ARHGAP42: variants seen among roughly 807,000 people sequenced by gnomAD.
ARHGAP42 encodes the protein Rho GTPase activating protein 42.
A neutral mutation model predicts 125.0 loss-of-function variants in ARHGAP42; 63 were observed. That is an observed-to-expected ratio of 0.50 (90% confidence interval 0.41 to 0.62). The LOEUF (loss-of-function observed/expected upper bound fraction) is 0.62, where lower values mean the gene tolerates loss of function less well. Among genes scored for constraint, ARHGAP42 ranks in the 20% least tolerant of loss-of-function variants. The pLI is 0.00. For missense variants in ARHGAP42, 766 were observed against 1,024.2 expected, an observed-to-expected ratio of 0.75 and a Z score of 3.44; for synonymous variants, 339 against 351.0, an observed-to-expected ratio of 0.97 and a Z score of 0.38.
At chr11:100,784,557 A>C (rs539746282) in intron 2 of ARHGAP42, among the ~76,000 whole-genome samples, 81 of 152,194 alleles carry the variant, frequency 5.3e-4, no homozygotes, top group Non-Finnish European at 1.0e-3. Context: ...CACTCATGCT[A>C]CTAGGAGAAT....
intron 3 of ARHGAP42, among the ~76,000 whole-genome samples, chr11:100,844,744 T>A (rs1865022415): frequency 6.9e-6 from 1 of 145,206 alleles, no homozygotes; most frequent in African/African-American, 2.9e-5. Context: ...CACAGTACGA[T>A]ATCACCTTCT....
At chr11:100,862,149 T>G (rs1056153119) in intron 4 of ARHGAP42, among the ~76,000 whole-genome samples, 2 of 152,138 alleles carry the variant, frequency 1.3e-5, no homozygotes, top group Non-Finnish European at 2.9e-5. Context: ...CACAGCAAAC[T>G]GTGAGGTGTG....
At chr11:100,756,613 TA>T (rs780875884) in intron 1 of ARHGAP42, among the ~76,000 whole-genome samples, 3 of 152,198 alleles carry the variant, frequency 2.0e-5, no homozygotes, top group Non-Finnish European at 2.9e-5. Flanking sequence ...ACATGCTGAT[TA>T]AAGCCTGGCA....
At chr11:100,887,969 C>T (rs954072462) in intron 4 of ARHGAP42, among the ~76,000 whole-genome samples, 1 of 152,216 alleles carries the variant, frequency 6.6e-6, no homozygotes, top group East Asian at 1.9e-4. Context: ...TATCCAATCC[C>T]GCTTCTGGAG....
At chr11:100,721,256 A>G (rs1201920778) in intron 1 of ARHGAP42, among the ~76,000 whole-genome samples, 1 of 152,090 alleles carries the variant, frequency 6.6e-6, no homozygotes, top group African/African-American at 2.4e-5. Context: ...TTCTTCTCCT[A>G]ACAACTCTCC....
At chr11:100,803,213 T>TAAAA (rs34702756) in intron 3 of ARHGAP42, among the ~76,000 whole-genome samples, 3 of 147,938 alleles carry the variant, frequency 2.0e-5, no homozygotes, top group Non-Finnish European at 1.5e-5. Flanking sequence ...CAATCTCTAC[T>TAAAA]AAAAAAAAAA....
chr11:100,726,348 A>G (rs1321436926), intron 1 of ARHGAP42, among the ~76,000 whole-genome samples: 1 of 151,992 alleles, frequency 6.6e-6, no homozygotes, highest in East Asian at 1.9e-4. Flanking sequence ...CTGATGGGTT[A>G]GGATAATTGA....
At chr11:100,717,923 T>TGA (rs58895541) in intron 1 of ARHGAP42, among the ~76,000 whole-genome samples, 74,699 of 140,664 alleles carry the variant, frequency 0.53, 21,009 homozygotes, top group African/African-American at 0.66. Flanking sequence ...GACTCTGCCT[T>TGA]AAAAAAAAAA....
At chr11:100,708,800 A>G (rs995306236) in intron 1 of ARHGAP42, among the ~76,000 whole-genome samples, 1 of 152,218 alleles carries the variant, frequency 6.6e-6, no homozygotes, top group African/African-American at 2.4e-5. Flanking sequence ...CCTCAGTCAG[A>G]AACTGAGGAT....
intron 3 of ARHGAP42, among the ~76,000 whole-genome samples, chr11:100,858,540 G>A (rs1041181189): frequency 6.6e-6 from 1 of 152,034 alleles, no homozygotes; most frequent in African/African-American, 2.4e-5. Flanking sequence ...AGATAAACCA[G>A]TTTGATGAAA....
intron 8 of ARHGAP42, among the ~76,000 whole-genome samples, chr11:100,938,557 A>T (rs905525329): frequency 1.2e-4 from 19 of 152,254 alleles, no homozygotes; most frequent in African/African-American, 4.6e-4. Context: ...ACAGTTTGAT[A>T]AATTTTGCCA....
chr11:100,869,086 A>G (rs1865640623), intron 4 of ARHGAP42, among the ~76,000 whole-genome samples: 1 of 152,014 alleles, frequency 6.6e-6, no homozygotes, highest in African/African-American at 2.4e-5. Flanking sequence ...CAGCACGGAG[A>G]CAACAACAAC....
chr11:100,939,922 AATATTGCTTCAT>A (rs1167615667), intron 8 of ARHGAP42, among the ~76,000 whole-genome samples: 2 of 152,164 alleles, frequency 1.3e-5, no homozygotes, highest in Non-Finnish European at 2.9e-5. Flanking sequence ...AATTATAGCT[AATATTGCTTCAT>A]ATATTGCTAC....
chr11:100,960,100 T>C lies in ARHGAP42; in HGVS notation c.1225+155T>C, dbSNP rs17095985. On this transcript the variant is annotated intron_variant, in intron 13 of 23. Coordinates refer to ENST00000298815, the MANE Select transcript of ARHGAP42 (RefSeq NM_152432.4). ...ATGTATGTATCGGTATACAAATAGC[T>C]ATACCTTGAGCTTCAGTTTACTAAA... Among the ~76,000 whole-genome samples the C allele has an allele frequency of 7.9e-3, 1,199 of 152,278 alleles. 21 individuals are homozygous for C. Among genetic ancestry groups the C allele is most frequent in the African/African-American group, 0.027 (1,122 of 41,574 alleles).
At chr11:100,731,571 C>T (rs531938988) in intron 1 of ARHGAP42, among the ~76,000 whole-genome samples, 1 of 152,304 alleles carries the variant, frequency 6.6e-6, no homozygotes, top group South Asian at 2.1e-4. Context: ...ATAGAAAGGG[C>T]TGTGTCTGGG....
intron 2 of ARHGAP42, among the ~76,000 whole-genome samples, chr11:100,789,850 G>A (rs1036604199): frequency 6.6e-6 from 1 of 152,072 alleles, no homozygotes; most frequent in African/African-American, 2.4e-5. Flanking sequence ...ACTTTTTTTG[G>A]GGTGTGTGTT....
chr11:100,962,428 A>T lies in ARHGAP42; in HGVS notation c.1405A>T (p.Met469Leu), dbSNP rs1228157648. Residue 469 changes from methionine (M) to leucine (L), a missense_variant, in exon 16 of 24, where the codon ATG becomes TTG. By Grantham distance (15) the Met-to-Leu change is conservative (BLOSUM62 2). Coordinates refer to ENST00000298815, the MANE Select transcript of ARHGAP42 (RefSeq NM_152432.4). ...NYLRCLAEPL[M>L]TYKLHKDFII... Reference sequence around the variant, plus strand: ...TTGTAGGTGCCTTGCAGAACCACTGATGACTTACAAGTTGCACAAAGATTT... The same window carrying T: ...TTGTAGGTGCCTTGCAGAACCACTGTTGACTTACAAGTTGCACAAAGATTT... 1 of 1,551,238 alleles carries T rather than the reference A, an allele frequency of 6.4e-7. No individual in the cohort carries two copies. The highest frequency in any genetic ancestry group is 8.7e-7 in the Non-Finnish European group (1 of 1,146,674).
At chr11:100,830,814 G>A (rs554731675) in intron 3 of ARHGAP42, among the ~76,000 whole-genome samples, 60 of 152,148 alleles carry the variant, frequency 3.9e-4, no homozygotes, top group African/African-American at 1.3e-3. Context: ...TTGTCAGCTC[G>A]GGCAAGGTCA....
chr11:100,903,090 A>G lies in ARHGAP42; in HGVS notation c.385-10362A>G, dbSNP rs529984131. Among the ~76,000 whole-genome samples the G allele has an allele frequency of 2.3e-5, 3 of 128,944 alleles. No individual in the cohort carries two copies. In the South Asian group the frequency reaches 7.9e-4, roughly 34 times the overall value. The allele number at this position is 128,944 out of a possible 152,430, so 84.6% of individuals were successfully genotyped here. ...TTCCTTCCTTGTCTCACATCTCTTT[A>G]TTCCTCAATCTTGCTGTCCAAGATG... On this transcript the variant is annotated intron_variant, in intron 4 of 23. Coordinates refer to ENST00000298815, the MANE Select transcript of ARHGAP42 (RefSeq NM_152432.4).
Sources: gnomAD v4.1 joint callset for allele counts (sites outside exome capture counted in the v4.1 genomes callset) on GRCh38, gnomAD v4.1.1 for gene constraint, MANE v1.5 for transcripts, NCBI Gene and HGNC (gene_info 2026-07-23, HGNC 2026-07-21) for gene names.